Variants in CTNNA2 observed in about 807,000 individuals in gnomAD.
The protein encoded by CTNNA2 is catenin alpha 2, also known as catenin alpha-2.
In CTNNA2, 42 loss-of-function variants were observed where a neutral mutation model predicts 101.0. The observed-to-expected ratio is 0.42, with a 90% confidence interval of 0.32 to 0.54. The LOEUF (loss-of-function observed/expected upper bound fraction) is 0.54. Among genes scored for constraint, CTNNA2 ranks in the 20% least tolerant of loss-of-function variants. The probability of loss-of-function intolerance (pLI) is 0.14; values close to 1 mark genes in which losing one functional copy is unlikely to be tolerated. For synonymous variants in CTNNA2, 450 were observed against 456.4 expected, an observed-to-expected ratio of 0.99 and a Z score of 0.18; for missense variants, 871 against 1,223.1, an observed-to-expected ratio of 0.71 and a Z score of 4.29.
chr2:80,294,464 ATGGAGCCCTGACCC>A (rs1675554313), intron 7 of CTNNA2, among the ~76,000 whole-genome samples: 1 of 151,304 alleles, frequency 6.6e-6, no homozygotes, highest in Non-Finnish European at 1.5e-5. Flanking sequence ...CCCTGACCCC[ATGGAGCCCTGACCC>A]CATGGAGCCC....
At chr2:80,545,879 AT>A in intron 10 of CTNNA2, 27 bp from the exon 11 acceptor site, 2 of 1,609,306 alleles carry the variant, frequency 1.2e-6, no homozygotes, top group Non-Finnish European at 1.7e-6. Flanking sequence ...TGTGGTCATC[AT>A]GTCCCTGGAT....
At chr2:79,340,810 G>T (rs1161618904) in intron 3 of CTNNA2, among the ~76,000 whole-genome samples, 2 of 137,570 alleles carry the variant, frequency 1.5e-5, no homozygotes, top group Admixed American at 1.5e-4. Flanking sequence ...CTCCAGCCTG[G>T]GCTACAGAGC....
intron 7 of CTNNA2, chr2:80,162,608 A>C: frequency 1.2e-6 from 2 of 1,611,270 alleles, no homozygotes; most frequent in Non-Finnish European, 1.7e-6. Flanking sequence ...GTTCCCGGCT[A>C]TAATGTCTAT....
chr2:79,721,478 A>G (rs1320680879), intron 2 of CTNNA2, among the ~76,000 whole-genome samples: 1 of 152,184 alleles, frequency 6.6e-6, no homozygotes, highest in Non-Finnish European at 1.5e-5. Context: ...TCCAATCAAC[A>G]TATGAATTTG....
chr2:79,469,330 A>G (rs1328426513), intron 4 of CTNNA2, among the ~76,000 whole-genome samples: 1 of 152,200 alleles, frequency 6.6e-6, no homozygotes, highest in East Asian at 1.9e-4. Flanking sequence ...CTAAACCAGG[A>G]AGAAGTTCAA....
chr2:79,552,008 C>T (rs1275842772), intron 1 of CTNNA2, among the ~76,000 whole-genome samples: 1 of 152,140 alleles, frequency 6.6e-6, no homozygotes, highest in East Asian at 1.9e-4. Context: ...TTATATTCTT[C>T]TCACATTTCA....
chr2:80,135,217 C>A (rs1702627677), intron 7 of CTNNA2, among the ~76,000 whole-genome samples: 1 of 152,154 alleles, frequency 6.6e-6, no homozygotes, highest in Non-Finnish European at 1.5e-5. Flanking sequence ...AGGGGCCAAC[C>A]AGCAGGACCT....
At chr2:79,946,073 G>T (rs1688472693) in intron 7 of CTNNA2, among the ~76,000 whole-genome samples, 2 of 152,166 alleles carry the variant, frequency 1.3e-5, no homozygotes, top group Non-Finnish European at 2.9e-5. Flanking sequence ...CATGGCAAAA[G>T]AAGGAAATTA....
intron 3 of CTNNA2, among the ~76,000 whole-genome samples, chr2:79,833,207 T>G (rs2203052): frequency 0.93 from 140,856 of 152,266 alleles, 65,331 homozygotes; most frequent in African/African-American, 0.98. Flanking sequence ...GATCACAAGA[T>G]AATTTTTACT....
chr2:80,508,355 C>G (rs1387641717), intron 9 of CTNNA2, among the ~76,000 whole-genome samples: 1 of 152,054 alleles, frequency 6.6e-6, no homozygotes, highest in Non-Finnish European at 1.5e-5. Context: ...CGTGGTGACA[C>G]ACACCTGTAA....
intron 2 of CTNNA2, among the ~76,000 whole-genome samples, chr2:79,712,545 T>A (rs1363394833): frequency 2.6e-5 from 4 of 152,078 alleles, no homozygotes; most frequent in Non-Finnish European, 4.4e-5. Flanking sequence ...CCCAAATCCT[T>A]GGGATGAGGC....
chr2:79,584,454 C>G (rs1402700978), intron 1 of CTNNA2, among the ~76,000 whole-genome samples: 10 of 148,608 alleles, frequency 6.7e-5, no homozygotes, highest in Admixed American at 6.1e-4. Flanking sequence ...TTTAGTGATT[C>G]TTGTTGATAT....
At chr2:80,591,975 T>C (rs1696553520) in intron 15 of CTNNA2, among the ~76,000 whole-genome samples, 1 of 152,186 alleles carries the variant, frequency 6.6e-6, no homozygotes, top group Admixed American at 6.5e-5. Context: ...AGTGAATGCA[T>C]GCTTTTCTTT....
intron 7 of CTNNA2, among the ~76,000 whole-genome samples, chr2:80,114,635 C>T (rs1417789425): frequency 6.6e-6 from 1 of 152,212 alleles, no homozygotes; most frequent in Non-Finnish European, 1.5e-5. Context: ...GAAGAGGGCA[C>T]TCACATAGAA....
chr2:80,124,162 A>AGCGAAGTCT (rs1701995286), intron 7 of CTNNA2, among the ~76,000 whole-genome samples: 1 of 152,108 alleles, frequency 6.6e-6, no homozygotes, highest in Non-Finnish European at 1.5e-5. Flanking sequence ...AACGTCACTG[A>AGCGAAGTCT]GCGAAGTCTT....
chr2:79,356,135 T>C (rs186974243), intron 3 of CTNNA2, among the ~76,000 whole-genome samples: 259 of 151,694 alleles, frequency 1.7e-3, no homozygotes, highest in African/African-American at 6.0e-3. Context: ...ACTTCCTTTT[T>C]ATATATCTAT....
intron 13 of CTNNA2, among the ~76,000 whole-genome samples, chr2:80,581,142 C>T (rs1282908153): frequency 1.3e-5 from 2 of 152,178 alleles, no homozygotes; most frequent in African/African-American, 2.4e-5. Context: ...CTATTATCAA[C>T]CTCAATTTAC....
intron 6 of CTNNA2, among the ~76,000 whole-genome samples, chr2:79,891,288 A>G (rs1684286125): frequency 6.6e-6 from 1 of 152,150 alleles, no homozygotes; most frequent in Non-Finnish European, 1.5e-5. Flanking sequence ...TTTATTTTAA[A>G]GCAAGTACAT....
chr2:79,405,526 A>G (rs893447855), intron 4 of CTNNA2, among the ~76,000 whole-genome samples: 1 of 151,852 alleles, frequency 6.6e-6, no homozygotes, highest in Non-Finnish European at 1.5e-5. Flanking sequence ...TGGTTTCATC[A>G]TGTTGACCAG....
Sources: gnomAD v4.1 joint callset for allele counts (sites outside exome capture counted in the v4.1 genomes callset) on GRCh38, gnomAD v4.1.1 for gene constraint, MANE v1.5 for transcripts, NCBI Gene and HGNC (gene_info 2026-07-23, HGNC 2026-07-21) for gene names.